Variants in TXNDC2 observed in about 807,000 individuals in gnomAD.
The protein encoded by TXNDC2 is thioredoxin domain containing 2, also known as thioredoxin domain-containing protein 2.
TXNDC2 carries 1 observed loss-of-function variant against 0.4 expected under a neutral mutation model. The ratio of observed to expected loss-of-function variants is 2.30; its 90% CI spans 0.82 to 10.89. TXNDC2 has a LOEUF of 10.89. Among genes scored for constraint, TXNDC2 ranks in the 30% most tolerant of loss-of-function variants. The probability of loss-of-function intolerance (pLI) is 0.12; values close to 1 mark genes in which losing one functional copy is unlikely to be tolerated. For synonymous variants in TXNDC2, 183 were observed against 224.6 expected (o/e 0.81, Z 1.66); for missense variants, 509 against 579.8 (o/e 0.88, Z 1.25).
At position 9,886,905 on chromosome 18, in the gene TXNDC2, C is replaced by T; in HGVS notation, c.225C>T (p.Ile75=). The change falls in exon 2 of 2, where the codon ATC becomes ATT. Residue 75 remains isoleucine (I), a synonymous_variant. Transcript: ENST00000357775. The part of the protein sequence containing the change: ...EDLPKSSEKA[I]QPKESNIPKS... ...TCCCCAAGTCCTCAGAAAAAGCCAT[C>T]CAGCCCAAAGAGAGTAACATCCCCA... 1 of 1,607,612 alleles carries T rather than the reference C, an allele frequency of 6.2e-7. No homozygotes were observed. The highest frequency in any genetic ancestry group is 1.3e-5 in the African/African-American group (1 of 74,162).
Position 9,887,874 on chromosome 18 carries a change from G to A in TXNDC2, c.1194G>A (p.Glu398=), listed in dbSNP as rs746174045. The A allele has an allele frequency of 1.2e-5, 20 of 1,611,876 alleles. No homozygotes were observed. The highest frequency in any genetic ancestry group is 2.7e-5 in the African/African-American group (2 of 74,912). The change falls in exon 2 of 2, where the codon GAG becomes GAA. Residue 398 remains glutamate, a synonymous_variant. Coordinates refer to ENST00000357775, the MANE Select transcript of TXNDC2 (RefSeq NM_032243.6). ...AGGACTTTGAGGCATCACTGAAGGAGGCCGGGGAGAGGCTGGTGGCTGTGG... is the reference window on the plus strand; with the variant it reads ...AGGACTTTGAGGCATCACTGAAGGAAGCCGGGGAGAGGCTGGTGGCTGTGG... ...SKEDFEASLK[E]AGERLVAVDF...
rs1482811871 is a variant in TXNDC2 at position 9,888,380 on chromosome 18, GTC to G, written c.*240_*241del. ...AAATTCCCATGGTGAAGACTGCTAA[GTC>G]CCATGGTTTCCTATTTTTCAATCTT... On this transcript the variant is annotated 3_prime_UTR_variant, in exon 2 of 2. Transcript: ENST00000357775. The G allele has an allele frequency of 4.8e-6, 2 of 414,372 alleles. No homozygotes were observed. Among genetic ancestry groups the G allele is most frequent in the African/African-American group, 4.0e-5 (2 of 50,058 alleles). The allele number at this position is 414,372 out of a possible 1,614,324, so 25.7% of individuals were successfully genotyped here.
rs1227852878 is a variant in TXNDC2, at chr18:9,886,807, G to T, written c.127G>T (p.Glu43Ter). 6 of 1,613,570 alleles carry T rather than the reference G, an allele frequency of 3.7e-6. No individual in the cohort carries two copies. Among genetic ancestry groups the T allele is most frequent in the Non-Finnish European group, 5.1e-6 (6 of 1,179,854 alleles). ...GGATGACAGCCCCAAGTCCTCAGAA[G>T]AAACCATCCAGCCCAAGGAGGGTGA... ...KQDDSPKSSE[E>*]TIQPKEGDIP... is the part of the protein sequence containing the mutation. The change falls in exon 2 of 2, where the codon GAA becomes TAA. Residue 43 changes from glutamate to a stop codon, truncating the protein, a stop_gained. Coordinates refer to ENST00000357775, the MANE Select transcript of TXNDC2 (RefSeq NM_032243.6). LOFTEE classifies it low-confidence loss of function (END_TRUNC).
chr18:9,886,592 G>T lies in TXNDC2; in HGVS notation c.-89G>T, dbSNP rs1197429008. 1 of 1,571,900 alleles carries T rather than the reference G, an allele frequency of 6.4e-7. No homozygotes were observed. The highest frequency in any genetic ancestry group is 1.2e-5 in the South Asian group (1 of 85,154). On this transcript the variant is annotated 5_prime_UTR_variant, in exon 2 of 2. Transcript: ENST00000357775. The stretch of plus-strand genomic sequence containing the variant: ...TATTTTATGTTTTTTGGTACAGAAA[G>T]CTCATTACTAGTCCTGTCCAGCAAC...
rs755374590 is a variant in TXNDC2 at position 9,887,490 on chromosome 18, C to A, written c.810C>A (p.Ile270=). 1.3e-6 allele frequency: 2 copies of A among 1,527,536 alleles called. No individual in the cohort carries two copies. Among genetic ancestry groups the A allele is most frequent in the African/African-American group, 2.8e-5 (2 of 71,234 alleles). 94.6% of individuals were successfully genotyped at this position (1,527,536 alleles called of 1,614,324 possible). Residue 270 remains isoleucine (I), a synonymous_variant, in exon 2 of 2, where the codon ATC becomes ATA. Coordinates refer to ENST00000357775, the MANE Select transcript of TXNDC2 (RefSeq NM_032243.6). Reference sequence around the variant, plus strand: ...TCCCCAAGTCCCTAGAGGAAGCCATCCAGCCTAAGGAGGGTGACATCCCCA... The same window carrying A: ...TCCCCAAGTCCCTAGAGGAAGCCATACAGCCTAAGGAGGGTGACATCCCCA... ...GDIPKSLEEA[I]QPKEGDIPKS...
rs536748163 is a variant in TXNDC2, at chr18:9,888,943, C to G, written c.*802C>G. 2.0e-5 allele frequency: 3 copies of G among 152,238 alleles called. No individual in the cohort carries two copies. The highest frequency in any genetic ancestry group is 6.5e-5 in the Admixed American group (1 of 15,284). The allele number at this position is 152,238 out of a possible 1,614,324, so 9.4% of individuals were successfully genotyped here. On this transcript the variant is annotated 3_prime_UTR_variant, in exon 2 of 2. Transcript: ENST00000357775. ...ATTTGTTCTTATTTTCAATATTGAA[C>G]AAGCCAGCCTTTAACATGACTCTAC...
chr18:9,886,906 C>A lies in TXNDC2; in HGVS notation c.226C>A (p.Gln76Lys). 1 of 1,607,614 alleles carries A rather than the reference C, an allele frequency of 6.2e-7. No homozygotes were observed. Among genetic ancestry groups the A allele is most frequent in the Non-Finnish European group, 8.5e-7 (1 of 1,176,280 alleles). The stretch of plus-strand genomic sequence containing the variant: ...CCCCAAGTCCTCAGAAAAAGCCATC[C>A]AGCCCAAAGAGAGTAACATCCCCAA... ...DLPKSSEKAI[Q>K]PKESNIPKSS... Residue 76 changes from glutamine (Q) to lysine (K), a missense_variant, in exon 2 of 2, where the codon CAG becomes AAG. Coordinates refer to ENST00000357775, the MANE Select transcript of TXNDC2 (RefSeq NM_032243.6).
At chr18:9,886,559 T>C (rs1431676608) in intron 1 of TXNDC2, 30 bp from the exon 2 acceptor site, 20 of 1,436,582 alleles carry the variant, frequency 1.4e-5, no homozygotes, top group Non-Finnish European at 1.7e-5. Flanking sequence ...ATTTATTTTA[T>C]TTTATTTTAT....
rs770144992 is a variant in TXNDC2 at position 9,887,269 on chromosome 18, C to A, written c.589C>A (p.Pro197Thr). The change falls in exon 2 of 2, where the codon CCC becomes ACC. Residue 197 changes from proline to threonine, a missense_variant. This residue lies in a region of TXNDC2 where 13 missense variants were observed against 31.6 expected (regional missense o/e 0.41). Coordinates refer to ENST00000357775, the MANE Select transcript of TXNDC2 (RefSeq NM_032243.6). ...IPKSSAKPIQ[P>T]KLGNIPKASV... Reference sequence around the variant, plus strand: ...CAAGTCCTCAGCAAAGCCCATCCAGCCCAAGCTGGGCAATATTCCCAAGGC... The same window carrying A: ...CAAGTCCTCAGCAAAGCCCATCCAGACCAAGCTGGGCAATATTCCCAAGGC... 1.6e-5 allele frequency: 25 copies of A among 1,598,920 alleles called. No homozygotes were observed. The highest frequency in any genetic ancestry group is 2.0e-5 in the Non-Finnish European group (24 of 1,172,754).
intron 1 of TXNDC2, 50 bp downstream of exon 1, chr18:9,886,130 T>G: frequency 6.6e-7 from 1 of 1,526,284 alleles, no homozygotes; most frequent in Middle Eastern, 1.7e-4. Context: ...TGGAAAAAGT[T>G]GGAGGGTACG....
rs1288697216 is a variant in TXNDC2 at position 9,886,673 on chromosome 18, T to C, written c.-8T>C. ...ATAGCCCAGGCCAAAGAGAAGGCCT[T>C]TCTCCCCATGGTCAGCCACACGTTC... On this transcript the variant is annotated 5_prime_UTR_variant, in exon 2 of 2. Transcript: ENST00000357775. 1.9e-6 allele frequency: 3 copies of C among 1,614,176 alleles called. No individual in the cohort carries two copies. The Admixed American group carries it at 5.0e-5, about 27-fold the overall frequency.
At chr18:9,886,195 A>G in intron 1 of TXNDC2, 115 bp downstream of exon 1, 1 of 1,614,126 alleles carries the variant, frequency 6.2e-7, no homozygotes, top group Non-Finnish European at 8.5e-7. Flanking sequence ...ACAAGGAACT[A>G]GGAATGGAAA....
rs753796549 is a variant in TXNDC2, at chr18:9,886,730, A to C, written c.50A>C (p.Gln17Pro). 60 of 1,614,120 alleles carry C rather than the reference A, an allele frequency of 3.7e-5. No individual in the cohort carries two copies. The highest frequency in any genetic ancestry group is 4.4e-5 in the Non-Finnish European group (52 of 1,180,020). The change falls in exon 2 of 2, where the codon CAG becomes CCG. Residue 17 changes from glutamine to proline, a missense_variant. Gln to Pro is a moderately conservative substitution (Grantham distance 76). Coordinates refer to ENST00000357775, the MANE Select transcript of TXNDC2 (RefSeq NM_032243.6). ...CGCACAGAGGAGTCTGATGCCTCAC[A>C]GGAGGGCGATGACCTACCCAAGTCC... The part of the protein sequence containing the change: ...HMRTEESDAS[Q>P]EGDDLPKSSA...
Position 9,887,323 on chromosome 18 carries a change from G to T in TXNDC2, c.643G>T (p.Gly215Cys). Residue 215 changes from glycine (G) to cysteine (C), a missense_variant, in exon 2 of 2, where the codon GGT becomes TGT. This residue lies in a region of TXNDC2 where 65 missense variants were observed against 46.0 expected (regional missense o/e 1.41). Coordinates refer to ENST00000357775, the MANE Select transcript of TXNDC2 (RefSeq NM_032243.6). ...AGTGAAGCCCAGCCAGCCCAAGGAG[G>T]GTGACATCTCCAAGTCCCCAGAAGA... ...ASVKPSQPKE[G>C]DISKSPEEAI... 6.3e-7 allele frequency: 1 copy of T among 1,590,352 alleles called. No individual in the cohort carries two copies. The highest frequency in any genetic ancestry group is 8.6e-7 in the Non-Finnish European group (1 of 1,168,450).
chr18:9,888,145 T>C lies in TXNDC2; in HGVS notation c.*4T>C, dbSNP rs770403352. ...AGTCATTGCAGAATTAAAGTAAACA[T>C]GTATTCTGAAAACATTGCAGACAGT... On this transcript the variant is annotated 3_prime_UTR_variant, in exon 2 of 2. Coordinates refer to ENST00000357775, the MANE Select transcript of TXNDC2 (RefSeq NM_032243.6). 1.2e-4 allele frequency: 189 copies of C among 1,598,998 alleles called. No homozygotes were observed. Among genetic ancestry groups the C allele is most frequent in the Non-Finnish European group, 1.6e-4 (183 of 1,171,156 alleles).
rs1186906876 is a variant in TXNDC2 at position 9,886,740 on chromosome 18, T to C, written c.60T>C (p.Asp20=). 1.2e-6 allele frequency: 2 copies of C among 1,614,094 alleles called. No homozygotes were observed. The highest frequency in any genetic ancestry group is 1.7e-6 in the Non-Finnish European group (2 of 1,180,024). ...AGTCTGATGCCTCACAGGAGGGCGA[T>C]GACCTACCCAAGTCCTCAGCAAACA... The part of the protein sequence containing the change: ...TEESDASQEG[D]DLPKSSANTS... Residue 20 remains aspartate, a synonymous_variant, in exon 2 of 2, where the codon GAT becomes GAC. Transcript: ENST00000357775.
rs144698163 is a variant in TXNDC2 at position 9,886,737 on chromosome 18, C to T, written c.57C>T (p.Gly19=). The change falls in exon 2 of 2, where the codon GGC becomes GGT. Residue 19 remains glycine (G), a synonymous_variant. Coordinates refer to ENST00000357775, the MANE Select transcript of TXNDC2 (RefSeq NM_032243.6). ...AGGAGTCTGATGCCTCACAGGAGGGCGATGACCTACCCAAGTCCTCAGCAA... is the reference window on the plus strand; with the variant it reads ...AGGAGTCTGATGCCTCACAGGAGGGTGATGACCTACCCAAGTCCTCAGCAA... The part of the protein sequence containing the change: ...RTEESDASQE[G]DDLPKSSANT... The T allele has an allele frequency of 1.8e-4, 293 of 1,614,032 alleles. 1 individual carries two copies. The highest frequency in any genetic ancestry group is 2.3e-4 in the Non-Finnish European group (267 of 1,180,010).
intron 1 of TXNDC2, chr18:9,886,288 G>T: frequency 6.2e-7 from 1 of 1,612,342 alleles, no homozygotes. Context: ...CTAATGGTAA[G>T]TAGGGGAGGA....
chr18:9,888,842 A>C lies in TXNDC2; in HGVS notation c.*701A>C, dbSNP rs775312518. The C allele has an allele frequency of 1.3e-5, 2 of 152,160 alleles. No homozygotes were observed. Among genetic ancestry groups the C allele is most frequent in the Non-Finnish European group, 2.9e-5 (2 of 68,032 alleles). 9.4% of individuals were successfully genotyped at this position (152,160 alleles called of 1,614,324 possible). On this transcript the variant is annotated 3_prime_UTR_variant, in exon 2 of 2. Transcript: ENST00000357775. ...CTGCCTTTATGACATCAGTGCCCTG[A>C]TGGCAGAGTTCCTGGTTCGTCTCCC... is the stretch of plus-strand genomic sequence containing the variant.
Sources: allele counts gnomAD v4.1 joint callset, GRCh38; gene constraint gnomAD v4.1.1; regional missense constraint gnomAD v4.1.1; transcripts MANE v1.5; gene names NCBI Gene and HGNC (gene_info 2026-07-23, HGNC 2026-07-21).